PTBP3: variants seen among roughly 807,000 people sequenced by gnomAD.
PTBP3 encodes the protein polypyrimidine tract-binding protein 3.
In PTBP3, 20 loss-of-function variants were observed where a neutral mutation model predicts 58.7. The observed-to-expected ratio is 0.34, with a 90% CI of 0.24 to 0.50. The LOEUF (loss-of-function observed/expected upper bound fraction) is 0.50. PTBP3 is among the 20% of genes least tolerant of loss of function. The pLI is 0.98. For synonymous variants in PTBP3, 185 were observed against 219.8 expected (o/e 0.84, Z 1.40); for missense variants, 509 against 637.2 (o/e 0.80, Z 2.17).
chr9:112,302,068 T>C (rs1199253947), intron 1 of PTBP3, among the ~76,000 whole-genome samples: 1 of 151,988 alleles, frequency 6.6e-6, no homozygotes, highest in Non-Finnish European at 1.5e-5. Context: ...TGTACAACAG[T>C]GGTCCAGAAG....
chr9:112,252,873 C>T, intron 5 of PTBP3, 85 bp from the exon 6 acceptor site: 1 of 817,680 alleles, frequency 1.2e-6, no homozygotes, highest in South Asian at 1.7e-5. Flanking sequence ...TTCATAAATC[C>T]TTTTAAATGA....
intron 5 of PTBP3, among the ~76,000 whole-genome samples, chr9:112,253,915 T>G (rs994314507): frequency 2.0e-5 from 3 of 152,210 alleles, no homozygotes; most frequent in Non-Finnish European, 2.9e-5. Context: ...AGTATCTTTA[T>G]AGCAGTGTGA....
the PTBP3 span, among the ~76,000 whole-genome samples, chr9:112,364,121 G>C: frequency 4.2e-5 from 6 of 143,372 alleles, no homozygotes; most frequent in African/African-American, 1.3e-4. Context: ...GGCTTCTTTC[G>C]CTTAGTAATA....
At position 112,330,536 on chromosome 9, in the gene PTBP3, ACAGAGATAGT is replaced by A. The variant is rs1830327564; in HGVS notation, c.-52+2924_-52+2933del. On this transcript the variant is annotated intron_variant, in intron 1 of 13. Coordinates refer to ENST00000374257, the MANE Select transcript of PTBP3 (RefSeq NM_001163788.4). ...AAGTTAGAGAACAAGTTTTTAAAAG[ACAGAGATAGT>A]AAGAATAAAGGGGAAAAAGCATTAT... 24 of 1,141,064 alleles carry A rather than the reference ACAGAGATAGT, an allele frequency of 2.1e-5. 2 individuals are homozygous for A. In the South Asian group the frequency reaches 3.4e-4, roughly 16 times the overall value. The allele number at this position is 1,141,064 out of a possible 1,614,324, so 70.7% of individuals were successfully genotyped here. A position where few individuals can be genotyped will look rare whatever the true frequency, so the allele number is the denominator to read the frequency against.
At chr9:112,327,537 G>C (rs1042366894) in intron 1 of PTBP3, among the ~76,000 whole-genome samples, 32 of 152,006 alleles carry the variant, frequency 2.1e-4, no homozygotes, top group Non-Finnish European at 4.7e-4. Context: ...TCCAGCCTGG[G>C]GCAACAGAGG....
chr9:112,329,421 A>AG (rs1830279290), intron 1 of PTBP3, among the ~76,000 whole-genome samples: 1 of 152,238 alleles, frequency 6.6e-6, no homozygotes, highest in East Asian at 1.9e-4. Flanking sequence ...CTCAAAAAAA[A>AG]AAAATCCAAT....
chr9:112,348,587 G>C, the PTBP3 span, among the ~76,000 whole-genome samples: 1 of 152,258 alleles, frequency 6.6e-6, no homozygotes, highest in Non-Finnish European at 1.5e-5. Flanking sequence ...AGAATCGGGA[G>C]AGCGGAGGCA....
At chr9:112,320,291 A>AAT (rs1288195199) in intron 1 of PTBP3, among the ~76,000 whole-genome samples, 76 of 73,522 alleles carry the variant, frequency 1.0e-3, no homozygotes, top group Non-Finnish European at 1.4e-3. Flanking sequence ...AAAAAAAAAA[A>AAT]ATATATATAT....
intron 6 of PTBP3, among the ~76,000 whole-genome samples, chr9:112,251,937 T>C (rs999302689): frequency 6.6e-6 from 1 of 152,118 alleles, no homozygotes; most frequent in African/African-American, 2.4e-5. Flanking sequence ...CACTGTGTGG[T>C]ACACAAAAGT....
At chr9:112,308,579 T>C (rs966779215) in intron 1 of PTBP3, among the ~76,000 whole-genome samples, 1 of 151,808 alleles carries the variant, frequency 6.6e-6, no homozygotes, top group Non-Finnish European at 1.5e-5. Context: ...TGGAAGACAA[T>C]CAAGCAGAAT....
the PTBP3 span, among the ~76,000 whole-genome samples, chr9:112,368,898 A>AGGGCCT: frequency 6.6e-6 from 1 of 152,252 alleles, no homozygotes; most frequent in East Asian, 1.9e-4. Context: ...GGCCAGGGCC[A>AGGGCCT]GGGCCTTGCT....
At chr9:112,234,058 C>G (rs1443312287) in intron 8 of PTBP3, among the ~76,000 whole-genome samples, 1 of 150,392 alleles carries the variant, frequency 6.6e-6, no homozygotes, top group African/African-American at 2.5e-5. Flanking sequence ...AGTCATGAAT[C>G]AGTTTAAGTT....
chr9:112,295,886 C>T (rs181032686), intron 2 of PTBP3, among the ~76,000 whole-genome samples: 2 of 152,204 alleles, frequency 1.3e-5, no homozygotes, highest in East Asian at 1.9e-4. Context: ...GGTAAAGGTT[C>T]GGGGAAGAAG....
In PTBP3 at chr9:112,295,915, TA is replaced by T. The variant is rs377758620; in HGVS notation, c.34+1916del. Among the ~76,000 whole-genome samples, 229 of 152,318 alleles carry T rather than the reference TA, an allele frequency of 1.5e-3. 4 individuals carry two copies. The highest frequency in any genetic ancestry group is 0.012 in the East Asian group (63 of 5,194). ...GAAGAAGGATTCTTTGTTTTAGAAC[TA>T]GATCAAGCTTGTCCAACATGCAGCC... On this transcript the variant is annotated intron_variant, in intron 2 of 13. Coordinates refer to ENST00000374257, the MANE Select transcript of PTBP3 (RefSeq NM_001163788.4).
At position 112,220,460 on chromosome 9, in the gene PTBP3, A is replaced by G. The variant is rs1834769424; in HGVS notation, c.*3391T>C. The G allele has an allele frequency of 1.8e-6, 2 of 1,130,056 alleles. No individual in the cohort carries two copies. Among genetic ancestry groups the G allele is most frequent in the South Asian group, 4.0e-5 (2 of 50,508 alleles). The allele number at this position is 1,130,056 out of a possible 1,614,324, so 70.0% of individuals were successfully genotyped here. Reference sequence around the variant, plus strand: ...CTCATCAACTAAAACAGAACCCATGATTATCATACTAGGTGGAGCCAAAGA... The same window carrying G: ...CTCATCAACTAAAACAGAACCCATGGTTATCATACTAGGTGGAGCCAAAGA... On this transcript the variant is annotated 3_prime_UTR_variant, in exon 14 of 14. Coordinates refer to ENST00000374257, the MANE Select transcript of PTBP3 (RefSeq NM_001163788.4).
chr9:112,232,230 CTGA>C lies in PTBP3; in HGVS notation c.886_888del (p.Ser296del). On this transcript the variant is annotated inframe_deletion, in exon 9 of 14. Transcript: ENST00000374257. ...CCAAGAGCTCCAGGAACAGCTGGAA[CTGA>C]TAGACCTTTTAAAAATACCAAAAGC... 1 of 1,594,390 alleles carries C rather than the reference CTGA, an allele frequency of 6.3e-7. No homozygotes were observed. Among genetic ancestry groups the C allele is most frequent in the Middle Eastern group, 1.7e-4 (1 of 5,976 alleles).
chr9:112,313,915 C>T (rs1323982821), intron 1 of PTBP3, among the ~76,000 whole-genome samples: 4 of 151,972 alleles, frequency 2.6e-5, no homozygotes, highest in African/African-American at 7.3e-5. Flanking sequence ...AACCAACTGA[C>T]GACGGAAAAC....
the PTBP3 span, among the ~76,000 whole-genome samples, chr9:112,359,474 C>T: frequency 6.6e-6 from 1 of 150,974 alleles, no homozygotes; most frequent in African/African-American, 2.4e-5. Context: ...TAGATGTAAA[C>T]GTGGAAAGAT....
the PTBP3 span, among the ~76,000 whole-genome samples, chr9:112,346,782 G>A: frequency 6.6e-6 from 1 of 152,186 alleles, no homozygotes; most frequent in East Asian, 1.9e-4. Flanking sequence ...CCAGGCTGGA[G>A]CGCAGTGGCG....
Sources: allele counts gnomAD v4.1 joint callset (sites outside exome capture counted in the v4.1 genomes callset), GRCh38; gene constraint gnomAD v4.1.1; transcripts MANE v1.5; gene names NCBI Gene and HGNC (gene_info 2026-07-23, HGNC 2026-07-21).